The following ATP10A variants were observed in gnomAD, a reference collection of about 807,000 sequenced individuals.
ATP10A encodes ATPase phospholipid transporting 10A (putative), also known as phospholipid-transporting ATPase VA.
ATP10A carries 111 observed loss-of-function variants against 147.8 expected under a neutral mutation model. The ratio of observed to expected loss-of-function variants is 0.75; its 90% CI spans 0.64 to 0.88. The LOEUF (loss-of-function observed/expected upper bound fraction) is 0.88. ATP10A is among the 40% of genes least tolerant of loss of function. The pLI is 0.00. For missense variants in ATP10A, 1,927 were observed against 1,959.0 expected, an observed-to-expected ratio of 0.98 and a Z score of 0.31; for synonymous variants, 875 against 841.6, an observed-to-expected ratio of 1.04 and a Z score of -0.69.
rs201526543 is a variant in ATP10A at position 25,694,953 on chromosome 15, T to A, written c.2954A>T (p.Lys985Ile). Residue 985 changes from lysine (K) to isoleucine (I), a missense_variant, in exon 14 of 21, where the codon AAA (lysine) becomes ATA (isoleucine). Physicochemically the swap from Lys to Ile is moderately radical, Grantham distance 102. Transcript: ENST00000555815. ...GAAGAGGAATTTGTCCTCCAGGTTT[T>A]TCTCGAGAGCGTAGGCCAGGCTTCT... is the stretch of plus-strand genomic sequence containing the variant. ...DGRSLAYALEKNLEDKFLFLA... is the reference protein window; with the variant it reads ...DGRSLAYALEINLEDKFLFLA... 2 of 1,614,184 alleles carry A rather than the reference T, an allele frequency of 1.2e-6. No individual in the cohort carries two copies. Among genetic ancestry groups the A allele is most frequent in the East Asian group, 4.5e-5 (2 of 44,870 alleles).
chr15:25,672,364 A>G (rs1226070635), downstream of ATP10A, among the ~76,000 whole-genome samples: 1 of 152,148 alleles, frequency 6.6e-6, no homozygotes, highest in Non-Finnish European at 1.5e-5. Flanking sequence ...TGTAGAGTCC[A>G]TATTTTTGTT....
intron 1 of ATP10A, among the ~76,000 whole-genome samples, chr15:25,831,873 C>T (rs1016781596): frequency 6.6e-6 from 1 of 152,158 alleles, no homozygotes; most frequent in African/African-American, 2.4e-5. Context: ...AGTGCCAGTA[C>T]GTGACTTTGG....
intron 1 of ATP10A, among the ~76,000 whole-genome samples, chr15:25,852,724 T>A: frequency 6.6e-6 from 1 of 152,202 alleles, no homozygotes; most frequent in East Asian, 1.9e-4. Context: ...CCTCAAAGAC[T>A]GTGGCCCAGA....
downstream of ATP10A, among the ~76,000 whole-genome samples, chr15:25,675,468 G>T (rs1213396673): frequency 6.6e-6 from 1 of 152,142 alleles, no homozygotes; most frequent in Non-Finnish European, 1.5e-5. Flanking sequence ...TAAAAAAGGA[G>T]TTGCAACAGG....
intron 1 of ATP10A, 31 bp downstream of exon 1, chr15:25,862,617 G>A (rs763879571): frequency 4.6e-6 from 7 of 1,517,750 alleles, no homozygotes; most frequent in Non-Finnish European, 6.2e-6. Context: ...CTGCGCCACC[G>A]CGCGCTCGCT....
chr15:25,717,013 T>C, intron 8 of ATP10A, 89 bp from the exon 9 acceptor site: 2 of 1,082,278 alleles, frequency 1.8e-6, no homozygotes, highest in Non-Finnish European at 2.6e-6. Context: ...TTGATTTTAT[T>C]ATAAGCTGTA....
Position 25,714,219 on chromosome 15 carries a change from T to A in ATP10A, c.1799A>T (p.Lys600Met). ...RTKVRVRFELKSPVKTIEDFL... is the reference protein window; with the variant it reads ...RTKVRVRFELMSPVKTIEDFL... ...GTCTTCTATCGTCTTCACCGGGGAC[T>A]TCAGCTCAAACCTCACCCTCACCTG... is the stretch of plus-strand genomic sequence containing the variant. The change falls in exon 10 of 21, where the codon AAG becomes ATG. Residue 600 changes from lysine to methionine, a missense_variant. Transcript: ENST00000555815. 1.2e-6 allele frequency: 2 copies of A among 1,600,264 alleles called. No individual in the cohort carries two copies. The highest frequency in any genetic ancestry group is 1.7e-6 in the Non-Finnish European group (2 of 1,179,944).
Position 25,817,431 on chromosome 15 carries a change from A to ACAG in ATP10A, c.450-36209_450-36208insCTG, listed in dbSNP as rs1327784249. The stretch of plus-strand genomic sequence containing the variant: ...TATCCAACTAGAAGGTGAGGTTCTT[A>ACAG]TTTAAATTAGATCAGTTTAATAAAT... On this transcript the variant is annotated intron_variant, in intron 1 of 20. Coordinates refer to ENST00000555815, the MANE Select transcript of ATP10A (RefSeq NM_024490.4). Among the ~76,000 whole-genome samples, 291 of 152,342 alleles carry ACAG rather than the reference A, an allele frequency of 1.9e-3. 3 individuals carry two copies. The highest frequency in any genetic ancestry group is 6.5e-3 in the African/African-American group (272 of 41,578).
chr15:25,760,385 T>C (rs1336194609), intron 2 of ATP10A, among the ~76,000 whole-genome samples: 2 of 152,224 alleles, frequency 1.3e-5, no homozygotes, highest in Non-Finnish European at 2.9e-5. Flanking sequence ...ATGCTATCAG[T>C]CATAATTATG....
chr15:25,755,404 A>G (rs11630130), intron 2 of ATP10A, among the ~76,000 whole-genome samples: 118,999 of 152,124 alleles, frequency 0.78, 47,053 homozygotes, highest in Non-Finnish European at 0.85. Flanking sequence ...TCAGTGGACT[A>G]CTTATGGGCC....
intron 1 of ATP10A, among the ~76,000 whole-genome samples, chr15:25,791,534 T>C (rs1230501778): frequency 6.6e-6 from 1 of 152,056 alleles, no homozygotes; most frequent in East Asian, 1.9e-4. Context: ...GTAGCTAACA[T>C]GCACCACCTG....
intron 1 of ATP10A, among the ~76,000 whole-genome samples, chr15:25,858,247 G>A (rs1893602695): frequency 6.6e-6 from 1 of 152,200 alleles, no homozygotes; most frequent in African/African-American, 2.4e-5. Flanking sequence ...CCTGGGTCTT[G>A]TCCTGGTGTC....
At chr15:25,795,853 C>T (rs1890648241) in intron 1 of ATP10A, among the ~76,000 whole-genome samples, 1 of 152,062 alleles carries the variant, frequency 6.6e-6, no homozygotes, top group South Asian at 2.1e-4. Context: ...TAGATGATTG[C>T]CCTGGGGGTG....
chr15:25,827,773 T>C (rs1221759369), intron 1 of ATP10A, among the ~76,000 whole-genome samples: 1 of 152,146 alleles, frequency 6.6e-6, no homozygotes, highest in Non-Finnish European at 1.5e-5. Flanking sequence ...CAAATAGCAA[T>C]ATGGCAGACT....
Position 25,858,094 on chromosome 15 carries a change from C to T in ATP10A, c.449+4554G>A, listed in dbSNP as rs1003916137. On this transcript the variant is annotated intron_variant, in intron 1 of 20. Transcript: ENST00000555815. The stretch of plus-strand genomic sequence containing the variant: ...GAGCCCAGTAATATATGATATGTAA[C>T]AGGTACCGAAAAATTATTTCCAACA... Among the ~76,000 whole-genome samples the T allele has an allele frequency of 3.3e-5, 5 of 152,162 alleles. No homozygotes were observed. The South Asian group carries it at 6.2e-4, about 19-fold the overall frequency.
intron 2 of ATP10A, among the ~76,000 whole-genome samples, chr15:25,760,114 C>G (rs1432669665): frequency 6.6e-6 from 1 of 152,028 alleles, no homozygotes; most frequent in African/African-American, 2.4e-5. Context: ...TAATTTAAAC[C>G]TTGGATATTT....
intron 1 of ATP10A, among the ~76,000 whole-genome samples, chr15:25,813,688 TAAAA>T (rs1335115443): frequency 2.0e-5 from 3 of 152,072 alleles, no homozygotes; most frequent in Non-Finnish European, 4.4e-5. Flanking sequence ...GATTAAAAAA[TAAAA>T]TTTTTTAAGA....
chr15:25,687,860 G>T (rs1369155782), intron 15 of ATP10A, 32 bp from the exon 16 acceptor site: 1 of 1,613,644 alleles, frequency 6.2e-7, no homozygotes, highest in African/African-American at 1.3e-5. Flanking sequence ...TGTTACTGGT[G>T]ATGCCGACCT....
At chr15:25,693,982 C>T (rs1900172109) in intron 14 of ATP10A, among the ~76,000 whole-genome samples, 1 of 152,050 alleles carries the variant, frequency 6.6e-6, no homozygotes, top group South Asian at 2.1e-4. Flanking sequence ...GATTTCTGAT[C>T]CAGTTCTCAC....
Sources: allele counts gnomAD v4.1 joint callset (sites outside exome capture counted in the v4.1 genomes callset), GRCh38; gene constraint gnomAD v4.1.1; transcripts MANE v1.5; gene names NCBI Gene and HGNC (gene_info 2026-07-23, HGNC 2026-07-21).